The following BCR variants were observed in gnomAD, a reference collection of about 807,000 sequenced individuals.
The protein encoded by BCR is breakpoint cluster region protein.
A neutral mutation model predicts 138.6 loss-of-function variants in BCR; 58 were observed. That is an observed-to-expected ratio of 0.42 (90% CI 0.34 to 0.52). The LOEUF (loss-of-function observed/expected upper bound fraction) is 0.52. BCR is among the 20% of genes least tolerant of loss of function. BCR has a pLI of 0.06. For missense variants in BCR, 1,599 were observed against 1,727.2 expected (o/e 0.93, Z 1.32); for synonymous variants, 786 against 730.1 (o/e 1.08, Z -1.23).
chr22:23,223,728 A>G (rs1385545244), intron 1 of BCR, among the ~76,000 whole-genome samples: 2 of 152,148 alleles, frequency 1.3e-5, no homozygotes, highest in Admixed American at 1.3e-4. Flanking sequence ...CTCCCAGTGC[A>G]CAGCGAGATT....
chr22:23,263,271 C>T (rs903667461), intron 4 of BCR: 2 of 1,114,128 alleles, frequency 1.8e-6, no homozygotes, highest in Non-Finnish European at 2.6e-6. Flanking sequence ...CATGCGGGCC[C>T]TCGGCCGCCT....
In BCR at chr22:23,315,735, T is replaced by G. The variant is rs934153512; in HGVS notation, c.*213T>G. On this transcript the variant is annotated 3_prime_UTR_variant, in exon 23 of 23. Transcript: ENST00000305877. ...GCCCCAGGCTGGCCTCAGACTGTGG[T>G]TTTTTATGTGGCCACCTGAGGGCGC... 15 of 650,166 alleles carry G rather than the reference T, an allele frequency of 2.3e-5. No homozygotes were observed. The highest frequency in any genetic ancestry group is 1.9e-4 in the Admixed American group (9 of 47,918). The allele number at this position is 650,166 out of a possible 1,614,324, so 40.3% of individuals were successfully genotyped here. A position where few individuals can be genotyped will look rare whatever the true frequency, so the allele number is the denominator to read the frequency against.
intron 1 of BCR, among the ~76,000 whole-genome samples, chr22:23,213,684 C>T (rs2072713921): frequency 6.6e-6 from 1 of 151,916 alleles, no homozygotes; most frequent in Admixed American, 6.6e-5. Context: ...ATATTAATTG[C>T]TGGGGCGTGG....
intron 16 of BCR, among the ~76,000 whole-genome samples, chr22:23,299,087 C>T (rs1470754990): frequency 6.6e-6 from 1 of 152,194 alleles, no homozygotes; most frequent in Non-Finnish European, 1.5e-5. Context: ...AGCTCCGCCT[C>T]CTGGGTTCAC....
chr22:23,299,130 G>A (rs886219102), intron 16 of BCR, among the ~76,000 whole-genome samples: 1 of 148,098 alleles, frequency 6.8e-6, no homozygotes, highest in African/African-American at 2.4e-5. Flanking sequence ...CCGAGTAGCC[G>A]GGACTACAGG....
chr22:23,214,251 C>G (rs1466502563), intron 1 of BCR, among the ~76,000 whole-genome samples: 1 of 149,566 alleles, frequency 6.7e-6, no homozygotes, highest in African/African-American at 2.5e-5. Context: ...GGGAAGCTGT[C>G]TTTTTCCATC....
chr22:23,233,742 A>C (rs900360049), intron 1 of BCR, among the ~76,000 whole-genome samples: 11 of 150,712 alleles, frequency 7.3e-5, no homozygotes, highest in African/African-American at 2.7e-4. Flanking sequence ...GTGAGCTGAG[A>C]TCACACCACT....
chr22:23,313,934 G>T lies in BCR; in HGVS notation c.3458-34G>T, dbSNP rs779116784. On this transcript the variant is annotated intron_variant, in intron 20 of 22. Transcript: ENST00000305877. ...CCTCGGGAGAGGTCTCTGGCTCGTTGTGACCCCAAGGAGTAACCCACCGCC... is the reference window on the plus strand; with the variant it reads ...CCTCGGGAGAGGTCTCTGGCTCGTTTTGACCCCAAGGAGTAACCCACCGCC... The T allele has an allele frequency of 5.7e-6, 9 of 1,577,532 alleles. No individual in the cohort carries two copies. The South Asian group carries it at 7.8e-5, about 14-fold the overall frequency.
Position 23,253,816 on chromosome 22 carries a change from C to G in BCR, c.1297C>G (p.Pro433Ala). The change falls in exon 2 of 23, where the codon CCA (proline) becomes GCA (alanine). Residue 433 changes from proline to alanine, a missense_variant. By Grantham distance (27) the Pro-to-Ala change is conservative. Coordinates refer to ENST00000305877, the MANE Select transcript of BCR (RefSeq NM_004327.4). ...HGDADGSFGT[P>A]PGYGCAADRA... ...ACACACAGATGGCTCGTTCGGAACA[C>G]CACCTGGATACGGCTGCGCTGCAGA... 6.2e-7 allele frequency: 1 copy of G among 1,612,352 alleles called. No individual in the cohort carries two copies. Among genetic ancestry groups the G allele is most frequent in the Non-Finnish European group, 8.5e-7 (1 of 1,179,370 alleles).
chr22:23,312,891 C>G lies in BCR; in HGVS notation c.3327C>G (p.Asn1109Lys). Residue 1109 changes from asparagine (N) to lysine (K), a missense_variant, in exon 20 of 23, where the codon AAC becomes AAG. Asn to Lys is a moderately conservative substitution (Grantham distance 94). Transcript: ENST00000305877. ...QALKAAFDVNNKDVSVMMSEM... is the reference protein window; with the variant it reads ...QALKAAFDVNKKDVSVMMSEM... Reference sequence around the variant, plus strand: ...GCATTTCCGTGCTCTTTCCAGATAACAAGGACGTGTCGGTGATGATGAGCG... The same window carrying G: ...GCATTTCCGTGCTCTTTCCAGATAAGAAGGACGTGTCGGTGATGATGAGCG... 1.9e-6 allele frequency: 3 copies of G among 1,596,178 alleles called. No homozygotes were observed. Among genetic ancestry groups the G allele is most frequent in the South Asian group, 1.1e-5 (1 of 90,902 alleles).
intron 8 of BCR, among the ~76,000 whole-genome samples, chr22:23,282,470 G>C (rs191630623): frequency 1.9e-4 from 29 of 152,372 alleles, no homozygotes; most frequent in Admixed American, 1.3e-4. Context: ...GAGCCAAGCT[G>C]CTTATGATGG....
At chr22:23,290,231 G>GC in intron 13 of BCR, 108 bp from the exon 14 acceptor site, 2 of 1,108,842 alleles carry the variant, frequency 1.8e-6, no homozygotes, top group East Asian at 4.7e-5. Context: ...CAGGCAGATG[G>GC]CAGCCACACA....
chr22:23,188,969 C>T (rs1486261037), intron 1 of BCR, among the ~76,000 whole-genome samples: 2 of 151,880 alleles, frequency 1.3e-5, no homozygotes, highest in Non-Finnish European at 2.9e-5. Context: ...CAGGTTCAAG[C>T]GATTCTTCTG....
chr22:23,191,239 A>G (rs2072409807), intron 1 of BCR, among the ~76,000 whole-genome samples: 1 of 152,226 alleles, frequency 6.6e-6, no homozygotes, highest in Admixed American at 6.5e-5. Flanking sequence ...CACAGCCTGA[A>G]TGTATTATTA....
rs1006565039 is a variant in BCR, at chr22:23,317,286, C to G, written c.*1764C>G. Reference sequence around the variant, plus strand: ...TGTGTGCAGTGTGGATTTAGTTGTGCTTTTTTCTTGCTGGGAGAGCACAGC... The same window carrying G: ...TGTGTGCAGTGTGGATTTAGTTGTGGTTTTTTCTTGCTGGGAGAGCACAGC... On this transcript the variant is annotated 3_prime_UTR_variant, in exon 23 of 23. Transcript: ENST00000305877. 1 of 173,402 alleles carries G rather than the reference C, an allele frequency of 5.8e-6. No individual in the cohort carries two copies. The highest frequency in any genetic ancestry group is 9.6e-5 in the East Asian group (1 of 10,414). The allele number at this position is 173,402 out of a possible 1,614,324, so 10.7% of individuals were successfully genotyped here. A position where few individuals can be genotyped will look rare whatever the true frequency, so the allele number is the denominator to read the frequency against.
chr22:23,301,298 T>C (rs1453957507), intron 16 of BCR, among the ~76,000 whole-genome samples: 2 of 152,206 alleles, frequency 1.3e-5, no homozygotes, highest in Admixed American at 6.5e-5. Context: ...AGAGCGAGAC[T>C]ATCTCAAAAA....
chr22:23,268,368 G>C lies in BCR; in HGVS notation c.1753-40G>C, dbSNP rs1267946004. On this transcript the variant is annotated intron_variant, in intron 4 of 22. Coordinates refer to ENST00000305877, the MANE Select transcript of BCR (RefSeq NM_004327.4). ...TGCTCTTCAGAAAGATGGGGGAGCAGCAGCACCTGTCCCACTCTCTCTTCC... is the reference window on the plus strand; with the variant it reads ...TGCTCTTCAGAAAGATGGGGGAGCACCAGCACCTGTCCCACTCTCTCTTCC... 3.3e-6 allele frequency: 5 copies of C among 1,502,558 alleles called. No homozygotes were observed. In the South Asian group the frequency reaches 6.0e-5, roughly 18 times the overall value. The allele number at this position is 1,502,558 out of a possible 1,614,324, so 93.1% of individuals were successfully genotyped here. A position where few individuals can be genotyped will look rare whatever the true frequency, so the allele number is the denominator to read the frequency against.
At chr22:23,219,718 C>T (rs561727906) in intron 1 of BCR, among the ~76,000 whole-genome samples, 1 of 152,310 alleles carries the variant, frequency 6.6e-6, no homozygotes, top group East Asian at 1.9e-4. Context: ...TCCTGCACCC[C>T]CTCTCCTTGC....
chr22:23,289,956 G>T, intron 13 of BCR: 1 of 506,558 alleles, frequency 2.0e-6, no homozygotes, highest in South Asian at 2.2e-5. Flanking sequence ...CCAGCTACCT[G>T]CCAGCCGGCA....
Sources: gnomAD v4.1 joint callset for allele counts (sites outside exome capture counted in the v4.1 genomes callset) on GRCh38, gnomAD v4.1.1 for gene constraint, MANE v1.5 for transcripts, NCBI Gene and HGNC (gene_info 2026-07-23, HGNC 2026-07-21) for gene names.